The following UNC5C variants were observed in gnomAD, a reference collection of about 807,000 sequenced individuals.
UNC5C encodes netrin receptor UNC5C.
A neutral mutation model predicts 99.8 loss-of-function variants in UNC5C; 47 were observed. The observed-to-expected ratio is 0.47, with a 90% CI of 0.37 to 0.60. The LOEUF (loss-of-function observed/expected upper bound fraction) is 0.60, where lower values mean the gene tolerates loss of function less well. Among genes scored for constraint, UNC5C ranks in the 20% least tolerant of loss-of-function variants. The pLI, the probability that UNC5C is intolerant of heterozygous loss-of-function variation, is 0.00. For missense variants in UNC5C, 1,062 were observed against 1,165.9 expected, an observed-to-expected ratio of 0.91 and a Z score of 1.30; for synonymous variants, 487 against 452.2, an observed-to-expected ratio of 1.08 and a Z score of -0.98.
At position 95,220,126 on chromosome 4, in the gene UNC5C, C is replaced by T; in HGVS notation, c.1159G>A (p.Val387Met). Residue 387 changes from valine (V) to methionine (M), a missense_variant, in exon 8 of 16, where the codon GTG becomes ATG. Val to Met is a conservative substitution (Grantham distance 21). Transcript: ENST00000453304. Reference sequence around the variant, plus strand: ...ACAGAGATCGCCAGGCAAACGATCACTGCTATCACAATCCCAACATAGAGA... The same window carrying T: ...ACAGAGATCGCCAGGCAAACGATCATTGCTATCACAATCCCAACATAGAGA... The part of the protein sequence containing the change: ...VALYVGIVIA[V>M]IVCLAISVVV... 6.2e-7 allele frequency: 1 copy of T among 1,614,098 alleles called. No individual in the cohort carries two copies. Among genetic ancestry groups the T allele is most frequent in the Non-Finnish European group, 8.5e-7 (1 of 1,179,986 alleles).
intron 1 of UNC5C, among the ~76,000 whole-genome samples, chr4:95,343,563 A>G (rs1743657935): frequency 6.6e-6 from 1 of 152,114 alleles, no homozygotes; most frequent in Admixed American, 6.6e-5. Flanking sequence ...AGGCCATCCA[A>G]GAAAACATGA....
intron 2 of UNC5C, among the ~76,000 whole-genome samples, chr4:95,333,815 A>G (rs1373718869): frequency 1.3e-5 from 2 of 152,150 alleles, no homozygotes; most frequent in African/African-American, 4.8e-5. Context: ...GTTGTAACGT[A>G]TTTGAGTTTT....
chr4:95,270,669 G>A (rs979723753), intron 4 of UNC5C, among the ~76,000 whole-genome samples: 1 of 152,132 alleles, frequency 6.6e-6, no homozygotes, highest in Non-Finnish European at 1.5e-5. Context: ...TCAACTATGA[G>A]GAGATAAAAG....
chr4:95,362,271 T>C (rs1032258568), intron 1 of UNC5C, among the ~76,000 whole-genome samples: 2 of 152,100 alleles, frequency 1.3e-5, no homozygotes, highest in African/African-American at 4.8e-5. Flanking sequence ...AGCGTTCCAA[T>C]CCTCTGACCA....
At chr4:95,277,332 C>T (rs1740899538) in intron 4 of UNC5C, among the ~76,000 whole-genome samples, 1 of 152,150 alleles carries the variant, frequency 6.6e-6, no homozygotes, top group Non-Finnish European at 1.5e-5. Context: ...CCAACAAGGA[C>T]CACCACCAAA....
At chr4:95,186,723 A>G (rs1168702352) in intron 12 of UNC5C, among the ~76,000 whole-genome samples, 1 of 152,204 alleles carries the variant, frequency 6.6e-6, no homozygotes, top group Non-Finnish European at 1.5e-5. Flanking sequence ...TGACGTAGAC[A>G]AGTGTGTGGT....
intron 7 of UNC5C, among the ~76,000 whole-genome samples, chr4:95,231,563 G>A (rs575122512): frequency 2.0e-5 from 3 of 152,126 alleles, no homozygotes; most frequent in East Asian, 1.9e-4. Context: ...TGACCTGGCC[G>A]CTTGGTCTTC....
rs531764911 is a variant in UNC5C at position 95,376,079 on chromosome 4, A to T, written c.125-40448T>A. On this transcript the variant is annotated intron_variant, in intron 1 of 15. Coordinates refer to ENST00000453304, the MANE Select transcript of UNC5C (RefSeq NM_003728.4). ...AAAAACAAACAAACAAACAAACAAA[A>T]ATATATATATATACAGAATAAACAG... 1.3e-3 allele frequency among the ~76,000 whole-genome samples: 197 copies of T among 151,632 alleles called. 1 individual carries two copies. Among genetic ancestry groups the T allele is most frequent in the African/African-American group, 3.1e-3 (129 of 41,324 alleles).
chr4:95,392,493 C>T (rs1204330665), intron 1 of UNC5C, among the ~76,000 whole-genome samples: 1 of 151,258 alleles, frequency 6.6e-6, no homozygotes, highest in Non-Finnish European at 1.5e-5. Flanking sequence ...GTGCAATGCA[C>T]AGGATCATAG....
At chr4:95,207,830 G>T (rs751120934) in intron 10 of UNC5C, among the ~76,000 whole-genome samples, 1 of 152,142 alleles carries the variant, frequency 6.6e-6, no homozygotes, top group Non-Finnish European at 1.5e-5. Flanking sequence ...AGGTCACCTC[G>T]TTTACTATAA....
rs137952249 is a variant in UNC5C at position 95,304,482 on chromosome 4, T to C, written c.347-2733A>G. On this transcript the variant is annotated intron_variant, in intron 2 of 15. Coordinates refer to ENST00000453304, the MANE Select transcript of UNC5C (RefSeq NM_003728.4). The stretch of plus-strand genomic sequence containing the variant: ...TCAGGCCTCTCATTTTCTTATCTTA[T>C]TGTATTTTTTCACATTATTCCAATT... Among the ~76,000 whole-genome samples, 456 of 152,250 alleles carry C rather than the reference T, an allele frequency of 3.0e-3. 2 individuals are homozygous for C. Among genetic ancestry groups the C allele is most frequent in the Middle Eastern group, 6.8e-3 (2 of 294 alleles).
At chr4:95,318,893 G>A (rs554184288) in intron 2 of UNC5C, among the ~76,000 whole-genome samples, 2 of 152,326 alleles carry the variant, frequency 1.3e-5, no homozygotes, top group South Asian at 4.1e-4. Flanking sequence ...GGACTACCAA[G>A]GGGTTTCATG....
At chr4:95,473,916 A>C (rs1748052747) in intron 1 of UNC5C, among the ~76,000 whole-genome samples, 1 of 152,224 alleles carries the variant, frequency 6.6e-6, no homozygotes. Context: ...CAAGGTCCAA[A>C]TCCCTGAGAT....
chr4:95,288,488 G>A (rs773089870), intron 3 of UNC5C, among the ~76,000 whole-genome samples: 42 of 152,210 alleles, frequency 2.8e-4, no homozygotes, highest in Non-Finnish European at 5.6e-4. Flanking sequence ...CTGGAAAATG[G>A]ATGCCGCGTA....
intron 12 of UNC5C, among the ~76,000 whole-genome samples, chr4:95,192,935 A>G (rs1047181137): frequency 1.3e-5 from 2 of 152,040 alleles, no homozygotes; most frequent in Non-Finnish European, 2.9e-5. Flanking sequence ...CTCTCCAACT[A>G]CTTTTCTGTC....
chr4:95,358,716 A>T lies in UNC5C; in HGVS notation c.125-23085T>A, dbSNP rs531638650. Among the ~76,000 whole-genome samples, 107 of 152,274 alleles carry T rather than the reference A, an allele frequency of 7.0e-4. 1 individual carries two copies. Among genetic ancestry groups the T allele is most frequent in the Middle Eastern group, 3.4e-3 (1 of 294 alleles). On this transcript the variant is annotated intron_variant, in intron 1 of 15. Transcript: ENST00000453304. ...TAAATCTGGACAAGTCTTTGGTGAA[A>T]ATAGTTTCCTTTAAAGTTATTCATT... is the stretch of plus-strand genomic sequence containing the variant.
chr4:95,242,386 C>T, intron 7 of UNC5C, 43 bp downstream of exon 7: 3 of 1,611,438 alleles, frequency 1.9e-6, no homozygotes, highest in Admixed American at 1.7e-5. Flanking sequence ...ATGGTTCAAT[C>T]TCCAGCCCCC....
intron 1 of UNC5C, among the ~76,000 whole-genome samples, chr4:95,341,535 AAAG>A (rs1336746458): frequency 6.6e-6 from 1 of 151,928 alleles, no homozygotes; most frequent in Admixed American, 6.6e-5. Context: ...GAAAAAAAGA[AAAG>A]AAAAAAGAAA....
intron 3 of UNC5C, 30 bp downstream of exon 3, chr4:95,301,576 A>C (rs769588713): frequency 1.2e-6 from 2 of 1,613,076 alleles, no homozygotes; most frequent in Non-Finnish European, 8.5e-7. Flanking sequence ...AACTTCTGAG[A>C]CCCAAGGTGC....
Sources: allele counts gnomAD v4.1 joint callset (sites outside exome capture counted in the v4.1 genomes callset), GRCh38; gene constraint gnomAD v4.1.1; transcripts MANE v1.5; gene names NCBI Gene and HGNC (gene_info 2026-07-23, HGNC 2026-07-21).